Variants in FYB2 observed in about 807,000 individuals in gnomAD.
FYB2 encodes the protein FYN binding protein 2.
A neutral mutation model predicts 94.1 loss-of-function variants in FYB2; 103 were observed. The observed-to-expected ratio is 1.09, with a 90% CI of 0.93 to 1.29. The LOEUF (loss-of-function observed/expected upper bound fraction) is 1.29, where lower values mean the gene tolerates loss of function less well. FYB2 is among the 50% of genes most tolerant of loss of function. FYB2 has a pLI of 0.00. For synonymous variants in FYB2, 293 were observed against 287.9 expected, an observed-to-expected ratio of 1.02 and a Z score of -0.18; for missense variants, 896 against 841.5, an observed-to-expected ratio of 1.06 and a Z score of -0.80.
At chr1:56,733,267 G>T (rs1275642829) in intron 15 of FYB2, among the ~76,000 whole-genome samples, 1 of 151,992 alleles carries the variant, frequency 6.6e-6, no homozygotes, top group Non-Finnish European at 1.5e-5. Flanking sequence ...CTGTGGGATT[G>T]GTGGTGATAT....
At chr1:56,723,912 A>G (rs1644535539) in intron 16 of FYB2, among the ~76,000 whole-genome samples, 1 of 152,048 alleles carries the variant, frequency 6.6e-6, no homozygotes, top group Non-Finnish European at 1.5e-5. Context: ...GCAAATTGTC[A>G]AACAACTGAT....
chr1:56,752,612 T>A (rs550877109), intron 8 of FYB2, among the ~76,000 whole-genome samples: 43 of 152,116 alleles, frequency 2.8e-4, no homozygotes, highest in African/African-American at 1.0e-3. Flanking sequence ...AAGAAAGTAA[T>A]GAAGTCAGTA....
chr1:56,822,586 T>C (rs552687433), upstream of FYB2, among the ~76,000 whole-genome samples: 19 of 152,292 alleles, frequency 1.2e-4, no homozygotes, highest in African/African-American at 4.6e-4. Context: ...GAAATCAGTA[T>C]TTCCAGCACA....
At chr1:56,727,927 G>A (rs1301126208) in intron 15 of FYB2, among the ~76,000 whole-genome samples, 1 of 152,114 alleles carries the variant, frequency 6.6e-6, no homozygotes, top group Non-Finnish European at 1.5e-5. Flanking sequence ...TGAGAGGATT[G>A]CTTGAGACAG....
chr1:56,801,569 C>CT (rs1274436827), intron 1 of FYB2, among the ~76,000 whole-genome samples: 1 of 152,148 alleles, frequency 6.6e-6, no homozygotes, highest in Non-Finnish European at 1.5e-5. Context: ...TCCACAGATA[C>CT]ACCTTAGACC....
At chr1:56,771,543 C>A (rs1233123485) in intron 4 of FYB2, among the ~76,000 whole-genome samples, 1 of 152,072 alleles carries the variant, frequency 6.6e-6, no homozygotes, top group African/African-American at 2.4e-5. Context: ...AATCTTTTCC[C>A]CTCTGTACTG....
upstream of FYB2, among the ~76,000 whole-genome samples, chr1:56,820,221 C>T (rs573047433): frequency 1.0e-4 from 12 of 116,662 alleles, no homozygotes; most frequent in African/African-American, 3.0e-4. Flanking sequence ...AGTGAGACTC[C>T]GTCTCAAAAA....
At chr1:56,757,835 T>C (rs922603167) in intron 6 of FYB2, among the ~76,000 whole-genome samples, 4 of 151,050 alleles carry the variant, frequency 2.6e-5, no homozygotes, top group Non-Finnish European at 5.9e-5. Context: ...AGTGGTACAA[T>C]ATCGGCTCGC....
chr1:56,782,423 G>A (rs572499790), intron 4 of FYB2, among the ~76,000 whole-genome samples: 3 of 152,010 alleles, frequency 2.0e-5, no homozygotes, highest in Non-Finnish European at 4.4e-5. Context: ...GAAGGCCTTT[G>A]ATAAGGCATC....
intron 4 of FYB2, among the ~76,000 whole-genome samples, chr1:56,770,059 G>A (rs1000967914): frequency 5.3e-5 from 8 of 152,170 alleles, no homozygotes; most frequent in East Asian, 1.9e-4. Context: ...ACACGAATGC[G>A]TATACACCGA....
At chr1:56,775,687 T>G (rs116840231) in intron 4 of FYB2, among the ~76,000 whole-genome samples, 1,654 of 152,252 alleles carry the variant, frequency 0.011, 23 homozygotes, top group African/African-American at 0.038. Context: ...CTATATACCA[T>G]CTTACACAGG....
intron 17 of FYB2, among the ~76,000 whole-genome samples, chr1:56,721,715 A>G (rs1279342818): frequency 6.6e-6 from 1 of 152,094 alleles, no homozygotes; most frequent in Non-Finnish European, 1.5e-5. Flanking sequence ...AAGCTACATG[A>G]CAATCCTTGA....
chr1:56,797,463 T>C (rs1407206554), intron 1 of FYB2, among the ~76,000 whole-genome samples: 1 of 152,124 alleles, frequency 6.6e-6, no homozygotes, highest in Non-Finnish European at 1.5e-5. Context: ...CAACCCTTTC[T>C]TGTGAGCCTT....
At chr1:56,780,384 T>G (rs888497534) in intron 4 of FYB2, among the ~76,000 whole-genome samples, 1 of 152,122 alleles carries the variant, frequency 6.6e-6, no homozygotes, top group African/African-American at 2.4e-5. Flanking sequence ...TCAAAGCATA[T>G]CCAGGCTCGA....
chr1:56,756,714 C>T (rs1307710604), intron 6 of FYB2, among the ~76,000 whole-genome samples: 1 of 151,962 alleles, frequency 6.6e-6, no homozygotes, highest in African/African-American at 2.4e-5. Context: ...TACTAAACCT[C>T]TCTGAACCTT....
Position 56,795,928 on chromosome 1 carries a change from G to A in FYB2, c.10-3125C>T, listed in dbSNP as rs910812841. Among the ~76,000 whole-genome samples the A allele has an allele frequency of 2.8e-4, 43 of 152,166 alleles. 1 individual carries two copies. The highest frequency in any genetic ancestry group is 5.9e-5 in the Non-Finnish European group (4 of 68,034). On this transcript the variant is annotated intron_variant, in intron 1 of 19. Coordinates refer to ENST00000343433, the MANE Select transcript of FYB2 (RefSeq NM_001004303.5). ...CTGGCTCTTTACTCTTTCAACGCAT[G>A]TTCATTAAGTATCTACATACAGACC...
intron 9 of FYB2, among the ~76,000 whole-genome samples, chr1:56,745,330 C>A (rs1645043981): frequency 6.6e-6 from 1 of 152,032 alleles, no homozygotes; most frequent in Admixed American, 6.6e-5. Flanking sequence ...GCCTTCACAC[C>A]ATTTCCTTTT....
chr1:56,742,873 G>A (rs1424386924), intron 11 of FYB2, among the ~76,000 whole-genome samples: 1 of 151,966 alleles, frequency 6.6e-6, no homozygotes, highest in African/African-American at 2.4e-5. Flanking sequence ...AAACTTCTGA[G>A]ATTCTAAGAT....
At chr1:56,730,160 A>G (rs1644674273) in intron 15 of FYB2, among the ~76,000 whole-genome samples, 1 of 151,872 alleles carries the variant, frequency 6.6e-6, no homozygotes, top group South Asian at 2.1e-4. Flanking sequence ...AGTTAGTAGA[A>G]GAAAAGAAAT....
Sources: allele counts gnomAD v4.1 joint callset (sites outside exome capture counted in the v4.1 genomes callset), GRCh38; gene constraint gnomAD v4.1.1; transcripts MANE v1.5; gene names NCBI Gene and HGNC (gene_info 2026-07-23, HGNC 2026-07-21).